The following PIAS2 variants were observed in gnomAD, a reference collection of about 807,000 sequenced individuals.
The protein encoded by PIAS2 is protein inhibitor of activated STAT 2.
In PIAS2, 19 loss-of-function variants were observed where a neutral mutation model predicts 69.7. The ratio of observed to expected loss-of-function variants is 0.27; its 90% CI spans 0.19 to 0.40. PIAS2 has a LOEUF of 0.40. PIAS2 is among the 10% of genes least tolerant of loss of function. The probability of loss-of-function intolerance (pLI) is 1.00; values close to 1 mark genes in which losing one functional copy is unlikely to be tolerated. For missense variants in PIAS2, 624 were observed against 757.0 expected (o/e 0.82, Z 2.06); for synonymous variants, 261 against 263.2 (o/e 0.99, Z 0.08).
At chr18:46,917,639 G>C, upstream of PIAS2, 2 of 817,472 alleles carry the variant, frequency 2.4e-6, no homozygotes, top group Non-Finnish European at 3.0e-6. Context: ...CGCCTGCCCC[G>C]GCGTGCTGCC....
rs137907483 is a variant in PIAS2 at position 46,888,855 on chromosome 18, T to C, written c.499+1725A>G. 2.1e-3 allele frequency among the ~76,000 whole-genome samples: 313 copies of C among 152,298 alleles called. 1 individual carries two copies. The highest frequency in any genetic ancestry group is 7.1e-3 in the African/African-American group (295 of 41,574). ...ACCTCCCGCTGTGCGACCTGGTTTC[T>C]AACAGGCTGTGGACTGGTGCTAGTC... is the stretch of plus-strand genomic sequence containing the variant. On this transcript the variant is annotated intron_variant, in intron 2 of 13. Coordinates refer to ENST00000585916, the MANE Select transcript of PIAS2 (RefSeq NM_004671.5).
upstream of PIAS2, chr18:46,917,549 C>A: frequency 1.8e-6 from 2 of 1,129,100 alleles, no homozygotes; most frequent in Non-Finnish European, 2.2e-6. Context: ...CGAAGCCCCG[C>A]CCCTAGCGGT....
chr18:46,828,759 CAA>C (rs1210321690), intron 10 of PIAS2, among the ~76,000 whole-genome samples: 1 of 152,128 alleles, frequency 6.6e-6, no homozygotes, highest in Non-Finnish European at 1.5e-5. Flanking sequence ...TTTCTACCCA[CAA>C]AGACAGTCTC....
intron 1 of PIAS2, among the ~76,000 whole-genome samples, chr18:46,916,354 T>G (rs1028782034): frequency 2.0e-5 from 3 of 151,958 alleles, no homozygotes; most frequent in African/African-American, 7.3e-5. Context: ...ACAAACGAGT[T>G]GCAGTAAATG....
At chr18:46,822,353 G>A (rs11875703) in intron 11 of PIAS2, among the ~76,000 whole-genome samples, 8,780 of 152,154 alleles carry the variant, frequency 0.058, 301 homozygotes, top group Non-Finnish European at 0.081. Context: ...ATCCATTTAG[G>A]AAGCTTATGA....
intron 1 of PIAS2, chr18:46,893,556 G>T: frequency 2.1e-6 from 1 of 467,746 alleles, no homozygotes; most frequent in Non-Finnish European, 2.8e-6. Flanking sequence ...CAAACAAAAA[G>T]TAAGAAAGAG....
chr18:46,833,597 A>C (rs983261829), intron 9 of PIAS2, among the ~76,000 whole-genome samples: 1 of 152,216 alleles, frequency 6.6e-6, no homozygotes, highest in Non-Finnish European at 1.5e-5. Flanking sequence ...TGTAAATCAA[A>C]ACCCAAAAAG....
At chr18:46,857,869 T>G (rs1483209666) in intron 3 of PIAS2, among the ~76,000 whole-genome samples, 1 of 152,190 alleles carries the variant, frequency 6.6e-6, no homozygotes, top group East Asian at 1.9e-4. Flanking sequence ...TACCATATGC[T>G]AGGTACTGTA....
At chr18:46,910,596 T>C (rs1332144331) in intron 1 of PIAS2, among the ~76,000 whole-genome samples, 4 of 152,122 alleles carry the variant, frequency 2.6e-5, no homozygotes, top group Admixed American at 6.5e-5. Context: ...TGAAAGATGA[T>C]AGAAGAACTC....
At chr18:46,820,112 G>C (rs976641324) in intron 12 of PIAS2, among the ~76,000 whole-genome samples, 38 of 152,224 alleles carry the variant, frequency 2.5e-4, no homozygotes, top group Admixed American at 1.2e-3. Context: ...CCCAGGACAT[G>C]AACCATTCTT....
chr18:46,839,880 A>C (rs76752173), intron 8 of PIAS2, among the ~76,000 whole-genome samples: 37 of 150,234 alleles, frequency 2.5e-4, no homozygotes, highest in African/African-American at 8.5e-4. Context: ...AAAAAAAAAA[A>C]GGCCGGGCAC....
At chr18:46,849,410 T>G (rs1018000029) in intron 5 of PIAS2, among the ~76,000 whole-genome samples, 1 of 152,168 alleles carries the variant, frequency 6.6e-6, no homozygotes, top group African/African-American at 2.4e-5. Context: ...AAATATAAAG[T>G]TTAGCCTTCA....
At chr18:46,816,891 G>A (rs1462487978) in intron 12 of PIAS2, 2 of 941,934 alleles carry the variant, frequency 2.1e-6, no homozygotes, top group African/African-American at 3.6e-5. Context: ...ATGATAATAG[G>A]TGAGATATCT....
intron 11 of PIAS2, among the ~76,000 whole-genome samples, chr18:46,825,194 T>C (rs1165181713): frequency 6.6e-6 from 1 of 152,018 alleles, no homozygotes; most frequent in Non-Finnish European, 1.5e-5. Context: ...AGAAAGGATA[T>C]GAAAAGGACA....
intron 6 of PIAS2, among the ~76,000 whole-genome samples, chr18:46,846,068 TCTC>T (rs2046126939): frequency 6.6e-6 from 1 of 152,196 alleles, no homozygotes. Flanking sequence ...TTAACTGAAA[TCTC>T]CTTTCCATTC....
chr18:46,898,529 A>C, intron 1 of PIAS2, among the ~76,000 whole-genome samples: 1 of 152,228 alleles, frequency 6.6e-6, no homozygotes, highest in East Asian at 1.9e-4. Context: ...AATCCACTGA[A>C]AAATTTAAAC....
intron 5 of PIAS2, 81 bp downstream of exon 5, chr18:46,855,264 G>A: frequency 1.2e-6 from 1 of 824,094 alleles, no homozygotes; most frequent in South Asian, 1.7e-5. Flanking sequence ...GTATTCAGCT[G>A]TCACTGTTGC....
At chr18:46,866,186 C>T (rs1227080121) in intron 2 of PIAS2, among the ~76,000 whole-genome samples, 1 of 152,072 alleles carries the variant, frequency 6.6e-6, no homozygotes, top group Non-Finnish European at 1.5e-5. Context: ...ATAATTCTAC[C>T]TTTGATGGAG....
At chr18:46,855,693 G>A in intron 3 of PIAS2, 78 bp from the exon 4 acceptor site, 1 of 1,066,582 alleles carries the variant, frequency 9.4e-7, no homozygotes, top group Admixed American at 1.9e-5. Flanking sequence ...AGGAAAAAAA[G>A]GAAAAGCATT....
Sources: allele counts gnomAD v4.1 joint callset (sites outside exome capture counted in the v4.1 genomes callset), GRCh38; gene constraint gnomAD v4.1.1; transcripts MANE v1.5; gene names NCBI Gene and HGNC (gene_info 2026-07-23, HGNC 2026-07-21).